ANO3: variants seen among roughly 807,000 people sequenced by gnomAD.
The protein encoded by ANO3 is anoctamin-3.
In ANO3, 99 loss-of-function variants were observed where a neutral mutation model predicts 144.8. The ratio of observed to expected loss-of-function variants is 0.68; its 90% CI spans 0.58 to 0.81. The LOEUF (loss-of-function observed/expected upper bound fraction) is 0.81. Ranked by LOEUF, ANO3 falls within the 30% of genes least tolerant of loss-of-function variation. The pLI, the probability that ANO3 is intolerant of heterozygous loss-of-function variation, is 0.00. For missense variants in ANO3, 905 were observed against 1,202.2 expected (o/e 0.75, Z 3.66); for synonymous variants, 414 against 392.6 (o/e 1.05, Z -0.64).
chr11:26,473,187 G>A (rs956005178), intron 4 of ANO3, among the ~76,000 whole-genome samples: 3 of 151,912 alleles, frequency 2.0e-5, no homozygotes, highest in Non-Finnish European at 4.4e-5. Context: ...ATTAACTCAA[G>A]ACCATATACA....
intron 1 of ANO3, among the ~76,000 whole-genome samples, chr11:26,379,957 GT>G (rs1347824093): frequency 6.6e-6 from 1 of 152,176 alleles, no homozygotes; most frequent in Non-Finnish European, 1.5e-5. Context: ...ATTACTTTAA[GT>G]TTTTCAGTTA....
intron 1 of ANO3, among the ~76,000 whole-genome samples, chr11:26,403,944 A>G (rs1453643223): frequency 6.6e-6 from 1 of 151,356 alleles, no homozygotes; most frequent in East Asian, 2.0e-4. Context: ...CTCATCCTTC[A>G]CCTCCTCAGA....
intron 1 of ANO3, among the ~76,000 whole-genome samples, chr11:26,378,647 TTAAAA>T (rs1260317692): frequency 1.3e-5 from 2 of 151,904 alleles, no homozygotes; most frequent in African/African-American, 4.8e-5. Flanking sequence ...GCGGTTTCAA[TTAAAA>T]TAAAATGATG....
intron 1 of ANO3, among the ~76,000 whole-genome samples, chr11:26,273,226 GTTT>G (rs111972372): frequency 7.8e-5 from 10 of 127,768 alleles, no homozygotes; most frequent in African/African-American, 2.9e-4. Context: ...GCCTTTTAAA[GTTT>G]TTTTTTTTTT....
rs1269099572 is a variant in ANO3, at chr11:26,249,188, G to A, written c.154+59858G>A. Among the ~76,000 whole-genome samples the A allele has an allele frequency of 2.0e-5, 3 of 152,102 alleles. No individual in the cohort carries two copies. In the East Asian group the frequency reaches 5.8e-4, roughly 29 times the overall value. On this transcript the variant is annotated intron_variant, in intron 1 of 27. Transcript: ENST00000672621. Reference sequence around the variant, plus strand: ...GCCTGGCTTTGCCGTTGGGGTATATGGATATTGATTGCCATGTTTAAACAA... The same window carrying A: ...GCCTGGCTTTGCCGTTGGGGTATATAGATATTGATTGCCATGTTTAAACAA...
intron 1 of ANO3, among the ~76,000 whole-genome samples, chr11:26,191,239 T>C (rs991776093): frequency 6.6e-6 from 1 of 151,086 alleles, no homozygotes; most frequent in Non-Finnish European, 1.5e-5. Context: ...GATTGCGCCA[T>C]TGCACGCCAG....
intron 17 of ANO3, among the ~76,000 whole-genome samples, chr11:26,607,177 T>C (rs1851961614): frequency 6.6e-6 from 1 of 152,224 alleles, no homozygotes; most frequent in African/African-American, 2.4e-5. Context: ...GACTTCCCTT[T>C]GTAGGTGACC....
chr11:26,455,568 A>T (rs1859121046), intron 3 of ANO3, among the ~76,000 whole-genome samples: 1 of 152,212 alleles, frequency 6.6e-6, no homozygotes, highest in African/African-American at 2.4e-5. Context: ...CAATGAAATA[A>T]AAGAGGACAC....
At chr11:26,602,770 G>A (rs1851837906) in intron 17 of ANO3, among the ~76,000 whole-genome samples, 1 of 150,778 alleles carries the variant, frequency 6.6e-6, no homozygotes, top group Non-Finnish European at 1.5e-5. Context: ...AGACATTACT[G>A]TGTAATAGAA....
chr11:26,623,691 T>G (rs912199065), intron 17 of ANO3, among the ~76,000 whole-genome samples: 1 of 152,134 alleles, frequency 6.6e-6, no homozygotes, highest in African/African-American at 2.4e-5. Context: ...AGAAATTTCT[T>G]TATCAGTAGG....
In ANO3 at chr11:26,320,257, A is replaced by G. The variant is rs1386695351; in HGVS notation, c.-3+10538A>G. Among the ~76,000 whole-genome samples the G allele has an allele frequency of 2.0e-5, 3 of 152,336 alleles. No homozygotes were observed. The East Asian group carries it at 5.8e-4, about 29-fold the overall frequency. ...ATTATTCTCTAATTACTCCTAAACA[A>G]AATGACCTTCAGAGTATAACGTCTG... On this transcript the variant is annotated intron_variant, in intron 1 of 26. Transcript: ENST00000525139.
At chr11:26,305,355 C>T (rs1452876716), upstream of ANO3, among the ~76,000 whole-genome samples, 1 of 151,864 alleles carries the variant, frequency 6.6e-6, no homozygotes, top group Non-Finnish European at 1.5e-5. Context: ...CATTGGCTGG[C>T]CTTCCTTCCC....
intron 1 of ANO3, among the ~76,000 whole-genome samples, chr11:26,399,528 G>T (rs1255896307): frequency 6.6e-6 from 1 of 151,736 alleles, no homozygotes; most frequent in Non-Finnish European, 1.5e-5. Context: ...ACTTCGTTCT[G>T]TCTCTGTGGG....
upstream of ANO3, among the ~76,000 whole-genome samples, chr11:26,304,800 G>T (rs1854334867): frequency 6.6e-6 from 1 of 152,044 alleles, no homozygotes; most frequent in Non-Finnish European, 1.5e-5. Context: ...CTGGCTTTGT[G>T]CATGTATACC....
intron 12 of ANO3, among the ~76,000 whole-genome samples, chr11:26,550,111 A>AG (rs2134223307): frequency 1.3e-5 from 2 of 152,004 alleles, no homozygotes; most frequent in East Asian, 3.9e-4. Flanking sequence ...GTAAGTGGTC[A>AG]GCTAAGTTTC....
rs181869668 is a variant in ANO3 at position 26,295,345 on chromosome 11, C to T, written c.155-14300C>T. ...CATCCTGGCTAACACGGTAAAACCCCGTCTCTACTAAAAATAAAAATAAAA... is the reference window on the plus strand; with the variant it reads ...CATCCTGGCTAACACGGTAAAACCCTGTCTCTACTAAAAATAAAAATAAAA... On this transcript the variant is annotated intron_variant, in intron 1 of 27. Coordinates refer to the ANO3 transcript ENST00000672621. Among the ~76,000 whole-genome samples the T allele has an allele frequency of 5.3e-3, 803 of 151,100 alleles. 5 individuals carry two copies. The highest frequency in any genetic ancestry group is 8.0e-3 in the Non-Finnish European group (545 of 67,812).
chr11:26,320,690 T>C (rs896773058), intron 1 of ANO3, among the ~76,000 whole-genome samples: 3 of 152,178 alleles, frequency 2.0e-5, no homozygotes, highest in Admixed American at 1.3e-4. Context: ...ATTACACTCC[T>C]ACCTTTACAT....
chr11:26,498,109 A>G (rs1255255496), intron 4 of ANO3, among the ~76,000 whole-genome samples: 1 of 152,032 alleles, frequency 6.6e-6, no homozygotes, highest in African/African-American at 2.4e-5. Flanking sequence ...TTTAGACCTC[A>G]TGGAATCCCT....
chr11:26,398,707 A>T (rs1394338726), intron 1 of ANO3, among the ~76,000 whole-genome samples: 1 of 152,082 alleles, frequency 6.6e-6, no homozygotes, highest in Non-Finnish European at 1.5e-5. Context: ...TGACTAGCAG[A>T]GACAGAACTT....
Sources: gnomAD v4.1 joint callset for allele counts (sites outside exome capture counted in the v4.1 genomes callset) on GRCh38, gnomAD v4.1.1 for gene constraint, MANE v1.5 for transcripts, NCBI Gene and HGNC (gene_info 2026-07-23, HGNC 2026-07-21) for gene names.